Variants in HCLS1 observed in about 807,000 individuals in gnomAD.
The protein encoded by HCLS1 is hematopoietic lineage cell-specific protein.
HCLS1 carries 44 observed loss-of-function variants against 68.6 expected under a neutral mutation model. That is an observed-to-expected ratio of 0.64 (90% CI 0.50 to 0.82). HCLS1 has a LOEUF of 0.82. Among genes scored for constraint, HCLS1 ranks in the 40% least tolerant of loss-of-function variants. The pLI, the probability that HCLS1 is intolerant of heterozygous loss-of-function variation, is 0.00. For synonymous variants in HCLS1, 217 were observed against 225.8 expected (o/e 0.96, Z 0.35); for missense variants, 602 against 612.1 (o/e 0.98, Z 0.17).
chr3:121,649,203 G>A (rs548105981), intron 3 of HCLS1, among the ~76,000 whole-genome samples: 22 of 152,160 alleles, frequency 1.4e-4, no homozygotes, highest in Admixed American at 1.4e-3. Context: ...GACTTCTTTA[G>A]GTTATAGTGG....
intron 3 of HCLS1, chr3:121,655,462 C>CTTTTTTTTTTTTTTTTTTTT (rs1181452367): frequency 2.0e-5 from 1 of 50,066 alleles, no homozygotes. Flanking sequence ...GTTGCTTGCT[C>CTTTTTTTTTTTTTTTTTTTT]TTTTTTTTTT....
chr3:121,655,037 C>T (rs1436974511), intron 3 of HCLS1, among the ~76,000 whole-genome samples: 1 of 152,220 alleles, frequency 6.6e-6, no homozygotes. Context: ...ACCAGGCTTT[C>T]ACTCCTTGAT....
In HCLS1 at chr3:121,631,963, G is replaced by C; in HGVS notation, c.1344C>G (p.Ser448=). The change falls in exon 14 of 14, where the codon TCC becomes TCG. Residue 448 remains serine (S), a synonymous_variant. Coordinates refer to ENST00000314583, the MANE Select transcript of HCLS1 (RefSeq NM_005335.6). ...CAGTGATTACGTCGTCCGGATCAAA[G>C]GAAAGCTCATCACTTCCCTCTGGGG... The part of the protein sequence containing the change: ...DYQGEGSDEL[S]FDPDDVITDI... 6.2e-7 allele frequency: 1 copy of C among 1,614,198 alleles called. No homozygotes were observed. Among genetic ancestry groups the C allele is most frequent in the Non-Finnish European group, 8.5e-7 (1 of 1,180,034 alleles).
In HCLS1 at chr3:121,632,490, T is replaced by A; in HGVS notation, c.1082A>T (p.Glu361Val). ...CTCGGGCTCAGGCTCAGGCTCTGCTTCGTACACTGGCTCTTCCTCCACCTG... is the reference window on the plus strand; with the variant it reads ...CTCGGGCTCAGGCTCAGGCTCTGCTACGTACACTGGCTCTTCCTCCACCTG... Reference protein sequence around the residue: ...GLQVEEEPVYEAEPEPEPEPE... With the variant: ...GLQVEEEPVYVAEPEPEPEPE... Residue 361 changes from glutamate (E) to valine (V), a missense_variant, in exon 12 of 14, where the codon GAA becomes GTA. Glu to Val is a moderately radical substitution (Grantham distance 121, BLOSUM62 -2). Transcript: ENST00000314583. 6.2e-7 allele frequency: 1 copy of A among 1,614,046 alleles called. No individual in the cohort carries two copies. The highest frequency in any genetic ancestry group is 2.2e-5 in the East Asian group (1 of 44,866).
At chr3:121,646,811 T>A (rs1021962009) in intron 4 of HCLS1, among the ~76,000 whole-genome samples, 2 of 139,954 alleles carry the variant, frequency 1.4e-5, no homozygotes, top group African/African-American at 5.2e-5. Context: ...AATTATTTTA[T>A]AGCCAATTAT....
intron 3 of HCLS1, chr3:121,656,981 C>G: frequency 3.5e-6 from 1 of 285,352 alleles, no homozygotes; most frequent in African/African-American, 2.2e-5. Flanking sequence ...ATCTCTCATG[C>G]CTTACTAAAG....
intron 4 of HCLS1, among the ~76,000 whole-genome samples, chr3:121,646,699 A>G (rs1160095071): frequency 3.2e-5 from 4 of 125,490 alleles, no homozygotes; most frequent in African/African-American, 1.2e-4. Context: ...AATATAATAT[A>G]CATTATATTA....
In HCLS1 at chr3:121,633,150, G is replaced by T. The variant is rs771797629; in HGVS notation, c.925C>A (p.Pro309Thr). 4.3e-6 allele frequency: 7 copies of T among 1,610,872 alleles called. No homozygotes were observed. The South Asian group carries it at 7.7e-5, about 18-fold the overall frequency. The change falls in exon 11 of 14, where the codon CCT (proline) becomes ACT (threonine). Residue 309 changes from proline to threonine, a missense_variant. Transcript: ENST00000314583. ...SSEAWPPVGT[P>T]PSSESEPVRT... is the part of the protein sequence containing the mutation. ...ACAGGCTCAGACTCTGATGATGGAG[G>T]AGTCCCAACTGGAGGCCAGGCCTGT...
intron 10 of HCLS1, among the ~76,000 whole-genome samples, chr3:121,633,790 T>C (rs1279898173): frequency 6.6e-6 from 1 of 152,170 alleles, no homozygotes. Flanking sequence ...TCCTCTCACC[T>C]TGGCCACCTC....
chr3:121,639,025 GCACACACACACACA>G (rs368121558), intron 6 of HCLS1, among the ~76,000 whole-genome samples: 1,817 of 137,224 alleles, frequency 0.013, 38 homozygotes, highest in African/African-American at 0.046. Context: ...ACACACACAC[GCACACACACACACA>G]CACACACACA....
chr3:121,637,283 G>C, intron 6 of HCLS1, 27 bp from the exon 7 acceptor site: 1 of 1,505,450 alleles, frequency 6.6e-7, no homozygotes. Context: ...AGTCATGAGA[G>C]CCCACCCTTA....
Position 121,658,895 on chromosome 3 carries a change from C to A in HCLS1, c.1-548G>T, listed in dbSNP as rs559505624. Among the ~76,000 whole-genome samples the A allele has an allele frequency of 4.6e-5, 7 of 152,288 alleles. No individual in the cohort carries two copies. The South Asian group carries it at 1.4e-3, about 32-fold the overall frequency. On this transcript the variant is annotated intron_variant, in intron 1 of 13. Coordinates refer to ENST00000314583, the MANE Select transcript of HCLS1 (RefSeq NM_005335.6). Reference sequence around the variant, plus strand: ...TGGTCCAAGTGCTGTCCCACCTCCACCCTGAGTCTGGTCACCTCACAGCTG... The same window carrying A: ...TGGTCCAAGTGCTGTCCCACCTCCAACCTGAGTCTGGTCACCTCACAGCTG...
chr3:121,657,942 A>G (rs1411839376), intron 2 of HCLS1: 3 of 295,286 alleles, frequency 1.0e-5, no homozygotes, highest in East Asian at 7.1e-5. Context: ...TAATCCCCCA[A>G]TTACACATGC....
intron 3 of HCLS1, among the ~76,000 whole-genome samples, chr3:121,648,869 T>A (rs945559913): frequency 6.6e-6 from 1 of 152,142 alleles, no homozygotes; most frequent in Non-Finnish European, 1.5e-5. Flanking sequence ...TCTTGTGTTG[T>A]CAGTTCAACA....
rs1192671607 is a variant in HCLS1, at chr3:121,642,977, G to A, written c.404C>T (p.Ala135Val). ...TTCTCCTTTATAATCAAAGCCGACT[G>A]CTGACTACAGAGAAGAGGAGACAGA... ...GVERDRADKSAVGFDYKGEVE... is the reference protein window; with the variant it reads ...GVERDRADKSVVGFDYKGEVE... Residue 135 changes from alanine (A) to valine (V), a missense_variant, in exon 6 of 14, where the codon GCA (alanine) becomes GTA (valine). Coordinates refer to ENST00000314583, the MANE Select transcript of HCLS1 (RefSeq NM_005335.6). 1.9e-6 allele frequency: 3 copies of A among 1,612,406 alleles called. No homozygotes were observed. Among genetic ancestry groups the A allele is most frequent in the Admixed American group, 3.3e-5 (2 of 60,004 alleles).
intron 3 of HCLS1, among the ~76,000 whole-genome samples, chr3:121,652,851 G>A (rs1159184255): frequency 6.6e-6 from 1 of 152,098 alleles, no homozygotes; most frequent in Admixed American, 6.5e-5. Flanking sequence ...TTAGTTCATG[G>A]GAATTTGCAT....
chr3:121,658,721 C>T (rs1937927878), intron 1 of HCLS1, among the ~76,000 whole-genome samples: 2 of 152,194 alleles, frequency 1.3e-5, no homozygotes, highest in African/African-American at 4.8e-5. Flanking sequence ...GCTATAATAT[C>T]CCTAGAATTA....
chr3:121,635,266 TCTCTCTCTC>T (rs1190330648), intron 9 of HCLS1, among the ~76,000 whole-genome samples: 3 of 124,148 alleles, frequency 2.4e-5, no homozygotes, highest in Non-Finnish European at 5.6e-5. Context: ...TCTCTCTCTC[TCTCTCTCTC>T]CTCTCTCTCC....
Position 121,640,929 on chromosome 3 carries a change from G to A in HCLS1, c.454+1998C>T, listed in dbSNP as rs1463147120. 2.6e-5 allele frequency among the ~76,000 whole-genome samples: 4 copies of A among 152,002 alleles called. No homozygotes were observed. The East Asian group carries it at 7.7e-4, about 29-fold the overall frequency. Reference sequence around the variant, plus strand: ...TTGAAAGAAAGTTTAAAATGCAATGGACAGCTTAAACAATAATGAAATACA... The same window carrying A: ...TTGAAAGAAAGTTTAAAATGCAATGAACAGCTTAAACAATAATGAAATACA... On this transcript the variant is annotated intron_variant, in intron 6 of 13. Coordinates refer to ENST00000314583, the MANE Select transcript of HCLS1 (RefSeq NM_005335.6).
Sources: gnomAD v4.1 joint callset for allele counts (sites outside exome capture counted in the v4.1 genomes callset) on GRCh38, gnomAD v4.1.1 for gene constraint, MANE v1.5 for transcripts, NCBI Gene and HGNC (gene_info 2026-07-23, HGNC 2026-07-21) for gene names.